Variants in GALNT18 observed in about 807,000 individuals in gnomAD.
GALNT18 encodes polypeptide N-acetylgalactosaminyltransferase 18.
GALNT18 carries 44 observed loss-of-function variants against 69.5 expected under a neutral mutation model. The observed-to-expected ratio is 0.63, with a 90% CI of 0.50 to 0.81. GALNT18 has a LOEUF of 0.81. Among genes scored for constraint, GALNT18 ranks in the 40% least tolerant of loss-of-function variants. The pLI is 0.00. For missense variants in GALNT18, 715 were observed against 810.0 expected (o/e 0.88, Z 1.42); for synonymous variants, 364 against 318.2 (o/e 1.14, Z -1.53).
intron 6 of GALNT18, among the ~76,000 whole-genome samples, chr11:11,343,081 C>T (rs561400108): frequency 3.1e-4 from 47 of 152,264 alleles, no homozygotes; most frequent in Admixed American, 6.5e-4. Flanking sequence ...CGGTGGCTCA[C>T]GCATGTAATC....
chr11:11,278,911 C>T (rs558894317), intron 10 of GALNT18, among the ~76,000 whole-genome samples: 1 of 152,298 alleles, frequency 6.6e-6, no homozygotes, highest in South Asian at 2.1e-4. Context: ...CCCAATTATT[C>T]TGATTTGATC....
chr11:11,393,479 G>A (rs1854244485), intron 3 of GALNT18, among the ~76,000 whole-genome samples: 1 of 152,276 alleles, frequency 6.6e-6, no homozygotes, highest in Non-Finnish European at 1.5e-5. Flanking sequence ...GCATGCCCTT[G>A]TCAGCTTTCA....
At chr11:11,271,328 G>A (rs1443234042) in intron 10 of GALNT18, 38 bp from the exon 11 acceptor site, 1 of 1,594,630 alleles carries the variant, frequency 6.3e-7, no homozygotes, top group Non-Finnish European at 8.6e-7. Context: ...AGAGGGCATA[G>A]AGGCAACATG....
chr11:11,594,773 T>C (rs1442349586), intron 1 of GALNT18, among the ~76,000 whole-genome samples: 1 of 149,378 alleles, frequency 6.7e-6, no homozygotes. Flanking sequence ...TAACCATTTG[T>C]GTACAAGTTT....
intron 6 of GALNT18, among the ~76,000 whole-genome samples, chr11:11,354,955 G>A (rs952301543): frequency 2.0e-5 from 3 of 152,062 alleles, no homozygotes; most frequent in Non-Finnish European, 4.4e-5. Flanking sequence ...ATCGGCAAAA[G>A]CAGACAGTTC....
rs1859734205 is a variant in GALNT18 at position 11,605,600 on chromosome 11, T to G, written c.235+15759A>C. Among the ~76,000 whole-genome samples the G allele has an allele frequency of 6.6e-6, 1 of 152,188 alleles. No homozygotes were observed. Among genetic ancestry groups the G allele is most frequent in the East Asian group, 1.9e-4 (1 of 5,182 alleles). ...GTCCCAAGCACTCTGTTTCCTTTCT[T>G]GAAAATGAAGCTATGCTTTCTCCTT... On this transcript the variant is annotated intron_variant, in intron 1 of 10. Coordinates refer to ENST00000227756, the MANE Select transcript of GALNT18 (RefSeq NM_198516.3). The surrounding 1 kb of genome is among the most constrained non-coding windows in gnomAD (Gnocchi z 4.7).
chr11:11,446,929 G>A (rs866207136), intron 2 of GALNT18, among the ~76,000 whole-genome samples: 4 of 152,318 alleles, frequency 2.6e-5, no homozygotes, highest in Middle Eastern at 3.4e-3. Context: ...CTGAAGCTGA[G>A]TGCTGCCCCA....
At position 11,315,771 on chromosome 11, in the gene GALNT18, C is replaced by A. The variant is rs955455158; in HGVS notation, c.1512+11315G>T. Reference sequence around the variant, plus strand: ...ACTTGCCCCCGTCATACATGTGGTACGGGCAGAACTGGGCCTGGACCCCCA... The same window carrying A: ...ACTTGCCCCCGTCATACATGTGGTAAGGGCAGAACTGGGCCTGGACCCCCA... On this transcript the variant is annotated intron_variant, in intron 9 of 10. Coordinates refer to ENST00000227756, the MANE Select transcript of GALNT18 (RefSeq NM_198516.3). The surrounding 1 kb of genome is among the most constrained non-coding windows in gnomAD (Gnocchi z 5.6). Among the ~76,000 whole-genome samples the A allele has an allele frequency of 1.3e-5, 2 of 152,132 alleles. No homozygotes were observed. Among genetic ancestry groups the A allele is most frequent in the African/African-American group, 4.8e-5 (2 of 41,422 alleles).
chr11:11,464,224 G>A (rs1184853444), intron 1 of GALNT18, among the ~76,000 whole-genome samples: 1 of 152,210 alleles, frequency 6.6e-6, no homozygotes, highest in Admixed American at 6.5e-5. Flanking sequence ...ATAATCATGA[G>A]TTTTTGCTCC....
intron 3 of GALNT18, among the ~76,000 whole-genome samples, chr11:11,394,937 C>T (rs1284507091): frequency 6.6e-6 from 1 of 152,232 alleles, no homozygotes; most frequent in Non-Finnish European, 1.5e-5. Flanking sequence ...AGAGGCTGGG[C>T]TGGCCCAGCC....
At chr11:11,570,368 C>A (rs1203606519) in intron 1 of GALNT18, among the ~76,000 whole-genome samples, 1 of 152,244 alleles carries the variant, frequency 6.6e-6, no homozygotes, top group Admixed American at 6.5e-5. Context: ...TGCATATCTG[C>A]TTCCCTCTCC....
At chr11:11,351,989 G>T (rs1233723045) in intron 6 of GALNT18, 1 of 1,611,324 alleles carries the variant, frequency 6.2e-7, no homozygotes, top group African/African-American at 1.3e-5. Context: ...TCCCAAGGGG[G>T]TTGGCAGCAG....
In GALNT18 at chr11:11,621,881, CCGCGCG is replaced by C; in HGVS notation, c.-294_-289del. The C allele has an allele frequency of 3.0e-6, 1 of 327,952 alleles. No individual in the cohort carries two copies. The highest frequency in any genetic ancestry group is 5.9e-5 in the East Asian group (1 of 16,896). The allele number at this position is 327,952 out of a possible 1,614,324, so 20.3% of individuals were successfully genotyped here. A position where few individuals can be genotyped will look rare whatever the true frequency, so the allele number is the denominator to read the frequency against. On this transcript the variant is annotated 5_prime_UTR_variant, in exon 1 of 11. Transcript: ENST00000227756. This position sits in a 1 kb window ranked among gnomAD's most constrained non-coding sequence, Gnocchi z 9.3. ...TAGAGGGGTCACGGGTAGCCGGCAG[CCGCGCG>C]TCCAGATGTGTACGTCTGGGAAACT... is the stretch of plus-strand genomic sequence containing the variant.
intron 1 of GALNT18, among the ~76,000 whole-genome samples, chr11:11,506,359 G>A (rs1297364455): frequency 6.6e-6 from 1 of 152,154 alleles, no homozygotes; most frequent in Non-Finnish European, 1.5e-5. Context: ...TTTTCCTAAA[G>A]TGGGATGACT....
In GALNT18 at chr11:11,523,082, T is replaced by C. The variant is rs1857435863; in HGVS notation, c.236-74146A>G. On this transcript the variant is annotated intron_variant, in intron 1 of 10. Transcript: ENST00000227756. The surrounding 1 kb of genome is among the most constrained non-coding windows in gnomAD (Gnocchi z 4.3). Reference sequence around the variant, plus strand: ...TAGCAATTTACATGCTTTTTCTTATTACAAGCCCTTTCATTATGTCCGCAA... The same window carrying C: ...TAGCAATTTACATGCTTTTTCTTATCACAAGCCCTTTCATTATGTCCGCAA... 6.6e-6 allele frequency among the ~76,000 whole-genome samples: 1 copy of C among 152,234 alleles called. No homozygotes were observed. Among genetic ancestry groups the C allele is most frequent in the African/African-American group, 2.4e-5 (1 of 41,462 alleles).
chr11:11,336,763 G>C (rs1850121483), intron 7 of GALNT18, among the ~76,000 whole-genome samples: 1 of 152,186 alleles, frequency 6.6e-6, no homozygotes, highest in Non-Finnish European at 1.5e-5. Context: ...TGTTTATTAT[G>C]TGTCAGACAC....
intron 6 of GALNT18, chr11:11,351,941 C>T (rs1850414086): frequency 1.9e-6 from 3 of 1,575,308 alleles, no homozygotes; most frequent in African/African-American, 1.3e-5. Context: ...ACAGATAGGG[C>T]CGTTACTGCT....
In GALNT18 at chr11:11,271,125, CG is replaced by C; in HGVS notation, c.*18del. On this transcript the variant is annotated 3_prime_UTR_variant, in exon 11 of 11. Coordinates refer to ENST00000227756, the MANE Select transcript of GALNT18 (RefSeq NM_198516.3). ...TGCTACACAGTAGCAAAGAGGCAGC[CG>C]GAAGTGGCCCCGGTGGGTCAGGACG... 6.2e-7 allele frequency: 1 copy of C among 1,602,476 alleles called. No homozygotes were observed. Among genetic ancestry groups the C allele is most frequent in the East Asian group, 2.2e-5 (1 of 44,506 alleles).
chr11:11,332,919 A>G lies in GALNT18; in HGVS notation c.1279-88T>C. On this transcript the variant is annotated intron_variant, in intron 7 of 10. Coordinates refer to ENST00000227756, the MANE Select transcript of GALNT18 (RefSeq NM_198516.3). The surrounding 1 kb of genome is among the most constrained non-coding windows in gnomAD (Gnocchi z 4.3). Reference sequence around the variant, plus strand: ...TACTTTGGCATGACCTTGTGCCCCCAACAAGATTCCTAGAGACTGGGGAAG... The same window carrying G: ...TACTTTGGCATGACCTTGTGCCCCCGACAAGATTCCTAGAGACTGGGGAAG... 1.4e-6 allele frequency: 2 copies of G among 1,457,266 alleles called. No individual in the cohort carries two copies. Among genetic ancestry groups the G allele is most frequent in the South Asian group, 2.3e-5 (2 of 85,224 alleles). The allele number at this position is 1,457,266 out of a possible 1,614,324, so 90.3% of individuals were successfully genotyped here. A position where few individuals can be genotyped will look rare whatever the true frequency, so the allele number is the denominator to read the frequency against.
Sources: allele counts gnomAD v4.1 joint callset (sites outside exome capture counted in the v4.1 genomes callset), GRCh38; gene constraint gnomAD v4.1.1; non-coding constraint Gnocchi (gnomAD v3.1); transcripts MANE v1.5; gene names NCBI Gene and HGNC (gene_info 2026-07-23, HGNC 2026-07-21).